KIAA1549L: variants seen among roughly 807,000 people sequenced by gnomAD.
KIAA1549L encodes the protein KIAA1549 like, also known as UPF0606 protein KIAA1549L.
A neutral mutation model predicts 160.7 loss-of-function variants in KIAA1549L; 88 were observed. That is an observed-to-expected ratio of 0.55 (90% confidence interval 0.46 to 0.65). The LOEUF (loss-of-function observed/expected upper bound fraction) is 0.65, where lower values mean the gene tolerates loss of function less well. KIAA1549L is among the 30% of genes least tolerant of loss of function. The pLI is 0.00. For synonymous variants in KIAA1549L, 950 were observed against 976.7 expected, an observed-to-expected ratio of 0.97 and a Z score of 0.51; for missense variants, 2,258 against 2,437.5, an observed-to-expected ratio of 0.93 and a Z score of 1.55.
intron 1 of KIAA1549L, among the ~76,000 whole-genome samples, chr11:33,480,744 C>T (rs1280091172): frequency 1.3e-5 from 2 of 152,186 alleles, no homozygotes; most frequent in African/African-American, 4.8e-5. Flanking sequence ...CCGTTTGTGC[C>T]AGACTCTTTG....
intron 1 of KIAA1549L, among the ~76,000 whole-genome samples, chr11:33,415,220 T>G (rs1004121757): frequency 6.6e-6 from 1 of 152,200 alleles, no homozygotes; most frequent in Non-Finnish European, 1.5e-5. Flanking sequence ...TTCATTACTT[T>G]ATTCATTCCA....
intron 1 of KIAA1549L, among the ~76,000 whole-genome samples, chr11:33,416,077 T>C (rs531516932): frequency 1.3e-5 from 2 of 152,194 alleles, no homozygotes; most frequent in Middle Eastern, 3.4e-3. Context: ...AAAGGCTCTT[T>C]TCAAACAGCA....
At chr11:33,635,369 C>T (rs939416434) in intron 16 of KIAA1549L, among the ~76,000 whole-genome samples, 1 of 152,230 alleles carries the variant, frequency 6.6e-6, no homozygotes, top group African/African-American at 2.4e-5. Flanking sequence ...GAAACCCCCA[C>T]TCGGTCTCTG....
chr11:33,408,818 C>T lies in KIAA1549L; in HGVS notation c.238+31929C>T, dbSNP rs554577671. ...AAAAAAAATTAGCCGGACATAGTGG[C>T]GCATGCCTGTAATCCCAGCTACTCG... On this transcript the variant is annotated intron_variant, in intron 1 of 20. Transcript: ENST00000658780. 1.8e-4 allele frequency among the ~76,000 whole-genome samples: 27 copies of T among 149,314 alleles called. No individual in the cohort carries two copies. The East Asian group carries it at 3.5e-3, about 19-fold the overall frequency.
intron 20 of KIAA1549L, among the ~76,000 whole-genome samples, chr11:33,667,001 T>C (rs985670132): frequency 4.6e-5 from 7 of 152,240 alleles, no homozygotes; most frequent in Admixed American, 2.6e-4. Context: ...CTGGGGTACA[T>C]AAACAGTTCT....
chr11:33,659,667 T>G (rs971710024), intron 19 of KIAA1549L, among the ~76,000 whole-genome samples: 5 of 152,224 alleles, frequency 3.3e-5, no homozygotes, highest in African/African-American at 1.2e-4. Context: ...TGTCTAGAAA[T>G]TCCACCAGTG....
At chr11:33,534,987 A>G (rs1440326747) in intron 1 of KIAA1549L, among the ~76,000 whole-genome samples, 1 of 152,114 alleles carries the variant, frequency 6.6e-6, no homozygotes, top group Non-Finnish European at 1.5e-5. Flanking sequence ...CACAATTTCC[A>G]TGAGTTGAGA....
Position 33,543,823 on chromosome 11 carries a change from A to G in KIAA1549L, c.2260A>G (p.Ile754Val), listed in dbSNP as rs1041183150. The part of the protein sequence containing the change: ...PNGLTSAADA[I>V]KSQDFKDTAG... ...TGGTTTAACTTCAGCTGCCGATGCC[A>G]TAAAATCTCAGGATTTCAAAGATAC... The change falls in exon 2 of 21, where the codon ATA becomes GTA. Residue 754 changes from isoleucine to valine, a missense_variant. Around this residue, in one of 6 missense-constraint regions of KIAA1549L, gnomAD observed 287 missense variants for 292.3 expected, o/e 0.98. Coordinates refer to ENST00000658780, the MANE Select transcript of KIAA1549L (RefSeq NM_012194.3). The G allele has an allele frequency of 1.2e-6, 2 of 1,614,068 alleles. No individual in the cohort carries two copies. Among genetic ancestry groups the G allele is most frequent in the African/African-American group, 1.3e-5 (1 of 75,074 alleles).
At chr11:33,576,774 G>A (rs186222618) in intron 10 of KIAA1549L, among the ~76,000 whole-genome samples, 17 of 152,296 alleles carry the variant, frequency 1.1e-4, no homozygotes, top group African/African-American at 3.8e-4. Context: ...TGGTTGTGGT[G>A]CCATTTGTTG....
intron 1 of KIAA1549L, among the ~76,000 whole-genome samples, chr11:33,407,597 C>T (rs1850693560): frequency 6.6e-6 from 1 of 152,192 alleles, no homozygotes; most frequent in African/African-American, 2.4e-5. Flanking sequence ...GATCTGCCCG[C>T]TTTGGCCTCC....
intron 16 of KIAA1549L, among the ~76,000 whole-genome samples, chr11:33,630,194 C>A (rs12282172): frequency 0.034 from 5,081 of 149,348 alleles, 365 homozygotes; most frequent in African/African-American, 0.11. Context: ...GCTGTCAGAC[C>A]GGGACATTTA....
At chr11:33,484,170 T>C (rs1852472845) in intron 1 of KIAA1549L, among the ~76,000 whole-genome samples, 1 of 152,234 alleles carries the variant, frequency 6.6e-6, no homozygotes, top group African/African-American at 2.4e-5. Context: ...GGACAGCTGG[T>C]GGATCTGTTC....
At chr11:33,595,868 T>C (rs1850185535) in intron 12 of KIAA1549L, among the ~76,000 whole-genome samples, 1 of 152,160 alleles carries the variant, frequency 6.6e-6, no homozygotes. Context: ...TTATGAATTA[T>C]TTTAGCACTG....
chr11:33,456,753 C>T (rs557587566), intron 1 of KIAA1549L, among the ~76,000 whole-genome samples: 1 of 152,256 alleles, frequency 6.6e-6, no homozygotes, highest in East Asian at 1.9e-4. Context: ...TTTAGCTTTT[C>T]TAACTACTAC....
At chr11:33,382,884 A>G (rs143078307) in intron 1 of KIAA1549L, among the ~76,000 whole-genome samples, 4 of 152,068 alleles carry the variant, frequency 2.6e-5, no homozygotes, top group African/African-American at 9.7e-5. Flanking sequence ...GGGCTGGGAT[A>G]CTGCAGCATT....
intron 1 of KIAA1549L, among the ~76,000 whole-genome samples, chr11:33,454,914 C>G (rs1040416595): frequency 2.6e-5 from 4 of 151,982 alleles, no homozygotes; most frequent in African/African-American, 4.8e-5. Context: ...ACGGTGAAAC[C>G]CCGTCTCTAC....
chr11:33,416,604 G>T (rs781529502), intron 1 of KIAA1549L, among the ~76,000 whole-genome samples: 1 of 152,146 alleles, frequency 6.6e-6, no homozygotes, highest in Non-Finnish European at 1.5e-5. Context: ...GATGTGTGTA[G>T]GTTATATGCA....
intron 16 of KIAA1549L, among the ~76,000 whole-genome samples, chr11:33,640,788 A>G (rs1851561322): frequency 1.3e-5 from 2 of 152,216 alleles, no homozygotes; most frequent in African/African-American, 4.8e-5. Flanking sequence ...TATTTTTAGA[A>G]TTTTTATTGA....
At chr11:33,416,805 A>G (rs1015608429) in intron 1 of KIAA1549L, among the ~76,000 whole-genome samples, 2 of 152,204 alleles carry the variant, frequency 1.3e-5, no homozygotes, top group South Asian at 2.1e-4. Context: ...GCACATGCCT[A>G]TGGCTGGTAG....
Sources: gnomAD v4.1 joint callset for allele counts (sites outside exome capture counted in the v4.1 genomes callset) on GRCh38, gnomAD v4.1.1 for gene constraint, gnomAD v4.1.1 regional missense constraint, MANE v1.5 for transcripts, NCBI Gene and HGNC (gene_info 2026-07-23, HGNC 2026-07-21) for gene names.